The following CES5A variants were observed in gnomAD, a reference collection of about 807,000 sequenced individuals.
The protein encoded by CES5A is carboxylesterase 5A.
In CES5A, 67 loss-of-function variants were observed where a neutral mutation model predicts 62.9. That is an observed-to-expected ratio of 1.07 (90% confidence interval 0.88 to 1.31). The LOEUF (loss-of-function observed/expected upper bound fraction) is 1.31, where lower values mean the gene tolerates loss of function less well. CES5A is among the 50% of genes most tolerant of loss of function. The probability of loss-of-function intolerance (pLI) is 0.00; values close to 1 mark genes in which losing one functional copy is unlikely to be tolerated. For missense variants in CES5A, 748 were observed against 708.5 expected, an observed-to-expected ratio of 1.06 and a Z score of -0.63; for synonymous variants, 296 against 280.8, an observed-to-expected ratio of 1.05 and a Z score of -0.54.
chr16:55,893,207 A>T (rs1178462326), intron 1 of CES5A, among the ~76,000 whole-genome samples: 1 of 152,196 alleles, frequency 6.6e-6, no homozygotes, highest in African/African-American at 2.4e-5. Flanking sequence ...CCTTTGAGAC[A>T]TTTGAAACCA....
At chr16:55,925,327 G>T (rs761792609) in exon 1 of CES5A, 1 of 152,008 alleles carries the variant, frequency 6.6e-6, no homozygotes, top group Non-Finnish European at 1.5e-5. Context: ...TCTCACCCCA[G>T]TTAAAGTGGT....
intron 5 of CES5A, among the ~76,000 whole-genome samples, chr16:55,864,516 T>C (rs1472590794): frequency 6.6e-6 from 1 of 152,184 alleles, no homozygotes; most frequent in Non-Finnish European, 1.5e-5. Flanking sequence ...CAATGAAATA[T>C]CATGAGAACA....
intron 11 of CES5A, among the ~76,000 whole-genome samples, chr16:55,848,188 C>A (rs1320371239): frequency 6.6e-6 from 1 of 152,124 alleles, no homozygotes; most frequent in African/African-American, 2.4e-5. Flanking sequence ...CTCACTGCAG[C>A]CTCGAACTCG....
intron 1 of CES5A, among the ~76,000 whole-genome samples, chr16:55,904,835 G>A (rs2034024023): frequency 6.6e-6 from 1 of 152,036 alleles, no homozygotes; most frequent in African/African-American, 2.4e-5. Flanking sequence ...CACAAGCCAG[G>A]GGTCAGCACC....
chr16:55,920,581 G>A (rs1391140353), intron 1 of CES5A, among the ~76,000 whole-genome samples: 6 of 152,164 alleles, frequency 3.9e-5, no homozygotes, highest in Non-Finnish European at 7.3e-5. Flanking sequence ...GGCTTAAAGC[G>A]CTACCTAGAG....
chr16:55,951,733 T>A (rs1597164967), intron 1 of CES5A, among the ~76,000 whole-genome samples: 3 of 152,216 alleles, frequency 2.0e-5, no homozygotes, highest in South Asian at 2.1e-4. Context: ...AAATATAACA[T>A]CAATAGAGAC....
At chr16:55,892,393 C>T (rs1205470679) in intron 1 of CES5A, among the ~76,000 whole-genome samples, 4 of 152,128 alleles carry the variant, frequency 2.6e-5, no homozygotes, top group African/African-American at 9.7e-5. Context: ...ACCTTGGGCA[C>T]ATGTTCTCTT....
chr16:55,884,117 A>G (rs2033789112), intron 1 of CES5A, among the ~76,000 whole-genome samples: 1 of 152,228 alleles, frequency 6.6e-6, no homozygotes, highest in African/African-American at 2.4e-5. Context: ...TACTTGCTGC[A>G]ATTGTGCGAA....
upstream of CES5A, among the ~76,000 whole-genome samples, chr16:55,879,262 C>T (rs1478536237): frequency 6.7e-6 from 1 of 150,216 alleles, no homozygotes; most frequent in Non-Finnish European, 1.5e-5. Flanking sequence ...GTACCCCTAA[C>T]AGTGTACCTC....
intron 1 of CES5A, among the ~76,000 whole-genome samples, chr16:55,897,919 C>T (rs569487689): frequency 6.6e-6 from 1 of 152,252 alleles, no homozygotes; most frequent in African/African-American, 2.4e-5. Context: ...TACTTTATGC[C>T]ATGAAATGAA....
At chr16:55,911,341 T>C (rs1261351298) in intron 1 of CES5A, among the ~76,000 whole-genome samples, 2 of 152,184 alleles carry the variant, frequency 1.3e-5, no homozygotes, top group African/African-American at 4.8e-5. Context: ...GGTGAGAATT[T>C]AGCTACAAGG....
chr16:55,873,700 C>T, intron 2 of CES5A, 133 bp downstream of exon 2: 3 of 805,282 alleles, frequency 3.7e-6, no homozygotes, highest in Non-Finnish European at 6.0e-6. Context: ...AACCACTCGC[C>T]CGAGTCTCAA....
intron 2 of CES5A, among the ~76,000 whole-genome samples, chr16:55,931,770 G>A (rs958557771): frequency 2.0e-5 from 3 of 152,150 alleles, no homozygotes; most frequent in Non-Finnish European, 1.5e-5. Context: ...CTGACTCCTG[G>A]CCTCTCACTA....
chr16:55,953,747 C>T lies in CES5A; in HGVS notation c.42+2097G>A, dbSNP rs1030950980. On this transcript the variant is annotated intron_variant, in intron 1 of 13. Coordinates refer to the CES5A transcript ENST00000521992. ...TCAAATGGTATTTTATTTTAAAATT[C>T]TTAATTATTATGGGACATAGTAGAT... Among the ~76,000 whole-genome samples the T allele has an allele frequency of 1.6e-4, 24 of 151,880 alleles. No homozygotes were observed. The East Asian group carries it at 3.7e-3, about 23-fold the overall frequency.
rs2033675709 is a variant in CES5A at position 55,875,284 on chromosome 16, T to G, written c.-63A>C. On this transcript the variant is annotated 5_prime_UTR_variant, in exon 1 of 13. Coordinates refer to ENST00000290567, the MANE Select transcript of CES5A (RefSeq NM_001143685.2). ...GCTGCTGGCCTCAGAGAGCTTCAGT[T>G]GGGAGCCAGAAAGAGCTTCCTGTTA... is the stretch of plus-strand genomic sequence containing the variant. 1 of 1,585,038 alleles carries G rather than the reference T, an allele frequency of 6.3e-7. No individual in the cohort carries two copies. The highest frequency in any genetic ancestry group is 1.4e-5 in the African/African-American group (1 of 73,336).
upstream of CES5A, among the ~76,000 whole-genome samples, chr16:55,879,013 A>G (rs1177066178): frequency 2.3e-5 from 3 of 130,124 alleles, no homozygotes; most frequent in Non-Finnish European, 4.8e-5. Flanking sequence ...ACTTCACCCC[A>G]TCACTGCACC....
At chr16:55,849,848 A>G in intron 10 of CES5A, 75 bp from the exon 11 acceptor site, 1 of 1,522,926 alleles carries the variant, frequency 6.6e-7, no homozygotes, top group Non-Finnish European at 8.9e-7. Context: ...CCCACCTATC[A>G]AGTCTTGGAT....
At chr16:55,913,023 T>C (rs1597147481) in intron 1 of CES5A, among the ~76,000 whole-genome samples, 1 of 152,058 alleles carries the variant, frequency 6.6e-6, no homozygotes, top group Admixed American at 6.5e-5. Context: ...GACAGGGGAA[T>C]TGCAATGGAG....
chr16:55,954,731 C>G (rs1163448224), intron 1 of CES5A, among the ~76,000 whole-genome samples: 6 of 152,130 alleles, frequency 3.9e-5, no homozygotes, highest in African/African-American at 1.4e-4. Context: ...GGGAAGGCCC[C>G]TCACAAAAAT....
Sources: gnomAD v4.1 joint callset for allele counts (sites outside exome capture counted in the v4.1 genomes callset) on GRCh38, gnomAD v4.1.1 for gene constraint, MANE v1.5 for transcripts, NCBI Gene and HGNC (gene_info 2026-07-23, HGNC 2026-07-21) for gene names.